SCLT1: variants seen among roughly 807,000 people sequenced by gnomAD.
SCLT1 encodes the protein sodium channel and clathrin linker 1, also known as sodium channel-associated protein 1.
SCLT1 carries 78 observed loss-of-function variants against 112.8 expected under a neutral mutation model. The observed-to-expected ratio is 0.69, with a 90% CI of 0.58 to 0.83. The LOEUF (loss-of-function observed/expected upper bound fraction) is 0.83. Among genes scored for constraint, SCLT1 ranks in the 40% least tolerant of loss-of-function variants. SCLT1 has a pLI of 0.00. For synonymous variants in SCLT1, 257 were observed against 254.7 expected, an observed-to-expected ratio of 1.01 and a Z score of -0.09; for missense variants, 747 against 770.4, an observed-to-expected ratio of 0.97 and a Z score of 0.36.
intron 5 of SCLT1, among the ~76,000 whole-genome samples, chr4:129,009,790 T>C (rs1744359662): frequency 6.6e-6 from 1 of 152,242 alleles, no homozygotes; most frequent in African/African-American, 2.4e-5. Context: ...TTTGCCCATT[T>C]TTCAATAAGG....
At chr4:128,961,954 G>A (rs1739775805) in intron 11 of SCLT1, among the ~76,000 whole-genome samples, 1 of 152,202 alleles carries the variant, frequency 6.6e-6, no homozygotes, top group Non-Finnish European at 1.5e-5. Flanking sequence ...GTTGTTAAGA[G>A]GCAGGATTTT....
At chr4:129,048,055 T>G (rs1748361287) in intron 2 of SCLT1, among the ~76,000 whole-genome samples, 1 of 152,160 alleles carries the variant, frequency 6.6e-6, no homozygotes, top group African/African-American at 2.4e-5. Context: ...ATAAAACCTT[T>G]ACCCAGAAAA....
Position 128,891,864 on chromosome 4 carries a change from T to C in SCLT1, c.1830-727A>G, listed in dbSNP as rs536133004. On this transcript the variant is annotated intron_variant, in intron 18 of 20. Coordinates refer to ENST00000281142, the MANE Select transcript of SCLT1 (RefSeq NM_144643.4). ...TTCACCATGTTGCCAAGGTTGGTCT[T>C]GAACTCCTCAGCTCAAGCAATCCAC... 4.6e-5 allele frequency among the ~76,000 whole-genome samples: 7 copies of C among 152,166 alleles called. No individual in the cohort carries two copies. In the East Asian group the frequency reaches 1.4e-3, roughly 29 times the overall value.
chr4:128,974,514 G>A (rs1740975170), intron 9 of SCLT1, among the ~76,000 whole-genome samples: 1 of 152,084 alleles, frequency 6.6e-6, no homozygotes, highest in South Asian at 2.1e-4. Context: ...AAGCATGTCT[G>A]TATATAAATA....
chr4:129,033,724 G>A (rs1296989125), intron 5 of SCLT1, among the ~76,000 whole-genome samples: 1 of 151,806 alleles, frequency 6.6e-6, no homozygotes, highest in Non-Finnish European at 1.5e-5. Flanking sequence ...ACAAGTAAAA[G>A]GTCCTCAGGT....
rs34186359 is a variant in SCLT1 at position 128,966,843 on chromosome 4, GTT to G, written c.778-1527_778-1526del. Reference sequence around the variant, plus strand: ...TTATTCTAATACTTTGTTTCCACAGGTTTTTTTTTTTCCTCCCTTCCAGCCTT... The same window carrying G: ...TTATTCTAATACTTTGTTTCCACAGGTTTTTTTTTCCTCCCTTCCAGCCTT... On this transcript the variant is annotated intron_variant, in intron 10 of 20. Transcript: ENST00000281142. Among the ~76,000 whole-genome samples, 480 of 146,206 alleles carry G rather than the reference GTT, an allele frequency of 3.3e-3. 3 individuals carry two copies. The highest frequency in any genetic ancestry group is 0.012 in the South Asian group (55 of 4,646).
intron 2 of SCLT1, among the ~76,000 whole-genome samples, chr4:129,059,314 C>T (rs1291388695): frequency 6.6e-6 from 1 of 152,100 alleles, no homozygotes; most frequent in East Asian, 1.9e-4. Flanking sequence ...TTACTCCTGT[C>T]ACTTTGTTAT....
chr4:128,982,746 C>T (rs540556323), intron 9 of SCLT1, among the ~76,000 whole-genome samples: 50 of 152,244 alleles, frequency 3.3e-4, no homozygotes, highest in Middle Eastern at 3.4e-3. Context: ...AGGTGATCCA[C>T]CCGCCTTGGC....
At chr4:129,088,001 C>A (rs571814676) in intron 1 of SCLT1, among the ~76,000 whole-genome samples, 1 of 151,198 alleles carries the variant, frequency 6.6e-6, no homozygotes, top group Non-Finnish European at 1.5e-5. Flanking sequence ...GCAGAAGGAT[C>A]GCTTGAGCCC....
chr4:128,971,905 C>T (rs1445409817), intron 9 of SCLT1: 4 of 152,232 alleles, frequency 2.6e-5, no homozygotes, highest in Non-Finnish European at 5.9e-5. Context: ...TGCCTGTAGT[C>T]CCAGCTACTT....
At chr4:128,907,466 A>G (rs1004889143) in intron 18 of SCLT1, among the ~76,000 whole-genome samples, 1 of 152,198 alleles carries the variant, frequency 6.6e-6, no homozygotes, top group Non-Finnish European at 1.5e-5. Flanking sequence ...GGAGTCCAAG[A>G]TGATACCCAG....
chr4:128,884,571 T>C, intron 20 of SCLT1, 32 bp from the exon 21 acceptor site: 2 of 1,407,584 alleles, frequency 1.4e-6, no homozygotes, highest in South Asian at 1.2e-5. Flanking sequence ...GGTAAGTAGT[T>C]ACTTTTTCTG....
intron 5 of SCLT1, among the ~76,000 whole-genome samples, chr4:129,035,042 T>C (rs1449465443): frequency 2.6e-5 from 4 of 152,184 alleles, no homozygotes; most frequent in Non-Finnish European, 1.5e-5. Flanking sequence ...AAGCCTTAAA[T>C]GGTGCCTGAC....
intron 9 of SCLT1, among the ~76,000 whole-genome samples, chr4:128,988,403 T>G (rs1007995415): frequency 6.6e-6 from 1 of 152,124 alleles, no homozygotes; most frequent in Non-Finnish European, 1.5e-5. Flanking sequence ...TAATCAGAGT[T>G]AAGTTGTCAT....
At chr4:128,954,271 A>G (rs1337897382) in intron 13 of SCLT1, among the ~76,000 whole-genome samples, 1 of 150,826 alleles carries the variant, frequency 6.6e-6, no homozygotes, top group East Asian at 1.9e-4. Context: ...TATGAGTGTT[A>G]TCTTTTTGAA....
downstream of SCLT1, among the ~76,000 whole-genome samples, chr4:128,881,484 A>T (rs1732639767): frequency 6.6e-6 from 1 of 152,186 alleles, no homozygotes; most frequent in African/African-American, 2.4e-5. Flanking sequence ...GGGTGGTTAT[A>T]ATTCTCACAC....
chr4:128,923,171 T>G (rs182507783), intron 18 of SCLT1, among the ~76,000 whole-genome samples: 2 of 152,208 alleles, frequency 1.3e-5, no homozygotes, highest in East Asian at 3.9e-4. Flanking sequence ...ATAAGCCACA[T>G]GCGGTGGCTC....
chr4:128,962,868 A>G (rs758144052), intron 11 of SCLT1, among the ~76,000 whole-genome samples: 2 of 152,170 alleles, frequency 1.3e-5, no homozygotes, highest in Non-Finnish European at 2.9e-5. Flanking sequence ...AAACAATTGT[A>G]TCTAAATTCT....
chr4:129,044,827 CAA>C (rs61042798), intron 2 of SCLT1, among the ~76,000 whole-genome samples: 1,738 of 77,220 alleles, frequency 0.023, 36 homozygotes, highest in African/African-American at 0.07. Flanking sequence ...ATAATCTCAC[CAA>C]AAAAAAAAAA....
Sources: allele counts gnomAD v4.1 joint callset (sites outside exome capture counted in the v4.1 genomes callset), GRCh38; gene constraint gnomAD v4.1.1; transcripts MANE v1.5; gene names NCBI Gene and HGNC (gene_info 2026-07-23, HGNC 2026-07-21).